The following GMDS variants were observed in gnomAD, a reference collection of about 807,000 sequenced individuals.
GMDS encodes the protein GDP-mannose 4,6-dehydratase.
A neutral mutation model predicts 49.9 loss-of-function variants in GMDS; 20 were observed. The ratio of observed to expected loss-of-function variants is 0.40; its 90% confidence interval spans 0.28 to 0.58. GMDS has a LOEUF of 0.58. Ranked by LOEUF, GMDS falls within the 20% of genes least tolerant of loss-of-function variation. GMDS has a pLI of 0.42. For missense variants in GMDS, 362 were observed against 481.4 expected (o/e 0.75, Z 2.32); for synonymous variants, 177 against 178.6 (o/e 0.99, Z 0.07).
chr6:1,824,416 C>T (rs947740043), intron 7 of GMDS, among the ~76,000 whole-genome samples: 6 of 152,162 alleles, frequency 3.9e-5, no homozygotes, highest in East Asian at 1.9e-4. Flanking sequence ...CGCCGCGCCC[C>T]GCCCCCCATA....
intron 7 of GMDS, among the ~76,000 whole-genome samples, chr6:1,820,308 T>G (rs2113701736): frequency 6.6e-6 from 1 of 152,340 alleles, no homozygotes; most frequent in Admixed American, 6.5e-5. Context: ...CAAAAAGCAC[T>G]GGATTTCACA....
intron 8 of GMDS, among the ~76,000 whole-genome samples, chr6:1,730,854 TACGAG>T (rs1342853438): frequency 2.0e-4 from 31 of 152,036 alleles, no homozygotes; most frequent in African/African-American, 6.5e-4. Context: ...AACCAAGTAT[TACGAG>T]ACAGGAAATA....
At chr6:1,877,063 T>A (rs1158230057) in intron 7 of GMDS, among the ~76,000 whole-genome samples, 1 of 152,140 alleles carries the variant, frequency 6.6e-6, no homozygotes, top group Non-Finnish European at 1.5e-5. Context: ...CCCTCCTCAG[T>A]GTCACCTTGG....
intron 4 of GMDS, among the ~76,000 whole-genome samples, chr6:2,035,458 A>G (rs1223560971): frequency 6.6e-6 from 1 of 152,064 alleles, no homozygotes; most frequent in Non-Finnish European, 1.5e-5. Context: ...CATCTCCCAC[A>G]TCTTGTGTCT....
chr6:2,046,204 G>A (rs1374456217), intron 4 of GMDS, among the ~76,000 whole-genome samples: 2 of 152,058 alleles, frequency 1.3e-5, no homozygotes, highest in African/African-American at 4.8e-5. Context: ...CAGAGCAAGA[G>A]CCTGTCTCAA....
intron 1 of GMDS, among the ~76,000 whole-genome samples, chr6:2,188,744 C>T (rs758412683): frequency 6.6e-6 from 1 of 152,158 alleles, no homozygotes; most frequent in African/African-American, 2.4e-5. Flanking sequence ...CAGGCGAGGG[C>T]ACATGTTGCA....
intron 9 of GMDS, among the ~76,000 whole-genome samples, chr6:1,670,150 C>A (rs921941625): frequency 6.6e-6 from 1 of 152,060 alleles, no homozygotes; most frequent in East Asian, 1.9e-4. Flanking sequence ...CACTGCCCCA[C>A]CCCCTCAACT....
At chr6:2,140,957 T>C (rs568036931) in intron 1 of GMDS, among the ~76,000 whole-genome samples, 3 of 152,282 alleles carry the variant, frequency 2.0e-5, no homozygotes, top group East Asian at 1.9e-4. Context: ...CTCTGGGAAG[T>C]GCTCCTGTCA....
intron 4 of GMDS, among the ~76,000 whole-genome samples, chr6:2,091,642 C>T (rs9405546): frequency 0.19 from 28,135 of 152,078 alleles, 2,959 homozygotes; most frequent in Admixed American, 0.22. Flanking sequence ...AATCAGGAGG[C>T]TGGCACAACA....
chr6:2,009,541 G>C (rs568743959), intron 4 of GMDS, among the ~76,000 whole-genome samples: 1 of 152,306 alleles, frequency 6.6e-6, no homozygotes, highest in Admixed American at 6.5e-5. Flanking sequence ...TAAAAGGCAG[G>C]AGGGTCTCTT....
intron 1 of GMDS, among the ~76,000 whole-genome samples, chr6:2,199,202 T>C (rs1201696727): frequency 1.3e-5 from 2 of 152,230 alleles, no homozygotes; most frequent in South Asian, 2.1e-4. Flanking sequence ...CCACAATACA[T>C]GGTGGTGTTT....
chr6:2,061,645 G>A (rs567669626), intron 4 of GMDS, among the ~76,000 whole-genome samples: 31 of 148,756 alleles, frequency 2.1e-4, no homozygotes, highest in Non-Finnish European at 3.6e-4. Context: ...CTTGAACCTC[G>A]GAGACGGAGG....
At chr6:1,772,950 A>G in intron 7 of GMDS, among the ~76,000 whole-genome samples, 1 of 152,250 alleles carries the variant, frequency 6.6e-6, no homozygotes, top group South Asian at 2.1e-4. Flanking sequence ...AGCTGGAACC[A>G]ATATTGTAAA....
In GMDS at chr6:1,732,389, T is replaced by C. The variant is rs1312316514; in HGVS notation, c.891-5877A>G. Among the ~76,000 whole-genome samples, 6 of 152,270 alleles carry C rather than the reference T, an allele frequency of 3.9e-5. 1 individual carries two copies. In the East Asian group the frequency reaches 1.2e-3, roughly 29 times the overall value. On this transcript the variant is annotated intron_variant, in intron 8 of 10. Coordinates refer to ENST00000380815, the MANE Select transcript of GMDS (RefSeq NM_001500.4). The stretch of plus-strand genomic sequence containing the variant: ...ATGTGGTTTACTGGAATGCATAGCA[T>C]TCGTCAGTCATGGTAATGTAGCACT...
intron 4 of GMDS, among the ~76,000 whole-genome samples, chr6:2,021,955 C>G (rs543983124): frequency 6.6e-6 from 1 of 152,186 alleles, no homozygotes; most frequent in Non-Finnish European, 1.5e-5. Flanking sequence ...ATTGCTAACA[C>G]AGCAGGCCCA....
At chr6:1,688,255 T>G (rs557443851) in intron 9 of GMDS, among the ~76,000 whole-genome samples, 1 of 152,362 alleles carries the variant, frequency 6.6e-6, no homozygotes, top group East Asian at 1.9e-4. Context: ...CAGCATTTGC[T>G]GAGCACCTAC....
chr6:2,215,148 A>G (rs1337936644), intron 1 of GMDS, among the ~76,000 whole-genome samples: 1 of 152,206 alleles, frequency 6.6e-6, no homozygotes, highest in Non-Finnish European at 1.5e-5. Flanking sequence ...TGGAAGAAAC[A>G]AAACACAGCA....
At chr6:1,694,732 T>C (rs1561734683) in intron 9 of GMDS, among the ~76,000 whole-genome samples, 1 of 152,218 alleles carries the variant, frequency 6.6e-6, no homozygotes, top group East Asian at 1.9e-4. Context: ...GCCCACAATC[T>C]AGTGAATAAA....
intron 1 of GMDS, among the ~76,000 whole-genome samples, chr6:2,176,902 C>G (rs1396226768): frequency 6.6e-6 from 1 of 152,080 alleles, no homozygotes; most frequent in Non-Finnish European, 1.5e-5. Context: ...ATGTGGCCAT[C>G]AAGGCAAGCA....
Sources: gnomAD v4.1 joint callset for allele counts (sites outside exome capture counted in the v4.1 genomes callset) on GRCh38, gnomAD v4.1.1 for gene constraint, MANE v1.5 for transcripts, NCBI Gene and HGNC (gene_info 2026-07-23, HGNC 2026-07-21) for gene names.